The following PCDHGC4 variants were observed in gnomAD, a reference collection of about 807,000 sequenced individuals.
PCDHGC4 encodes protocadherin gamma subfamily C, 4.
PCDHGC4 carries 15 observed loss-of-function variants against 59.7 expected under a neutral mutation model. The observed-to-expected ratio is 0.25, with a 90% CI of 0.17 to 0.39. The LOEUF is 0.39. Among genes scored for constraint, PCDHGC4 ranks in the 10% least tolerant of loss-of-function variants. The probability of loss-of-function intolerance (pLI) is 1.00; values close to 1 mark genes in which losing one functional copy is unlikely to be tolerated. For missense variants in PCDHGC4, 1,016 were observed against 1,189.5 expected (o/e 0.85, Z 2.15); for synonymous variants, 434 against 481.4 (o/e 0.90, Z 1.29).
At chr5:141,488,042 G>T (rs2099670966) in intron 1 of PCDHGC4, among the ~76,000 whole-genome samples, 1 of 152,168 alleles carries the variant, frequency 6.6e-6, no homozygotes, top group Non-Finnish European at 1.5e-5. Context: ...TTTCCCAAGG[G>T]ATTGAGGGGA....
At chr5:141,497,020 C>T (rs138768677) in intron 2 of PCDHGC4, among the ~76,000 whole-genome samples, 8 of 152,122 alleles carry the variant, frequency 5.3e-5, no homozygotes, top group African/African-American at 1.7e-4. Flanking sequence ...GAAACCCCAT[C>T]TCGATTAAAA....
intron 3 of PCDHGC4, among the ~76,000 whole-genome samples, 188 bp from the exon 4 acceptor site, chr5:141,510,759 G>A (rs1026623444): frequency 6.6e-5 from 10 of 152,172 alleles, no homozygotes; most frequent in African/African-American, 2.4e-4. Context: ...TCTCACTCCA[G>A]AGCCTCTTAA....
At position 141,491,566 on chromosome 5, in the gene PCDHGC4, A is replaced by G; in HGVS notation, c.2443-3241A>G. Reference sequence around the variant, plus strand: ...AGACTCGCAGAGCCACTGCTACAGGACGTGCTTTTCACCGGCCTCGGACGG... The same window carrying G: ...AGACTCGCAGAGCCACTGCTACAGGGCGTGCTTTTCACCGGCCTCGGACGG... On this transcript the variant is annotated intron_variant, in intron 1 of 3. Transcript: ENST00000306593. This position sits in a 1 kb window ranked among gnomAD's most constrained non-coding sequence, Gnocchi z 6.9. 1 of 1,613,950 alleles carries G rather than the reference A, an allele frequency of 6.2e-7. No individual in the cohort carries two copies.
rs771884610 is a variant in PCDHGC4, at chr5:141,491,436, G to T, written c.2443-3371G>T. 1 of 1,614,070 alleles carries T rather than the reference G, an allele frequency of 6.2e-7. No individual in the cohort carries two copies. ...ACGGGGGTGGAGGGCAGTGCTGCAGGCGCCAGGACTCACCCTCCCCGGACT... is the reference window on the plus strand; with the variant it reads ...ACGGGGGTGGAGGGCAGTGCTGCAGTCGCCAGGACTCACCCTCCCCGGACT... On this transcript the variant is annotated intron_variant, in intron 1 of 3. Coordinates refer to ENST00000306593, the MANE Select transcript of PCDHGC4 (RefSeq NM_018928.3). The surrounding 1 kb of genome is among the most constrained non-coding windows in gnomAD (Gnocchi z 6.9).
rs780685517 is a variant in PCDHGC4 at position 141,489,548 on chromosome 5, T to C, written c.2442+1933T>C. 6.2e-7 allele frequency: 1 copy of C among 1,614,136 alleles called. No individual in the cohort carries two copies. Among genetic ancestry groups the C allele is most frequent in the South Asian group, 1.1e-5 (1 of 91,086 alleles). On this transcript the variant is annotated intron_variant, in intron 1 of 3. Coordinates refer to ENST00000306593, the MANE Select transcript of PCDHGC4 (RefSeq NM_018928.3). This position sits in a 1 kb window ranked among gnomAD's most constrained non-coding sequence, Gnocchi z 4.5. ...CTATGTGGAGCCAGCACCAGCTGCCTGCTGCCAGTGCAGGTGGTGACTGAA... is the reference window on the plus strand; with the variant it reads ...CTATGTGGAGCCAGCACCAGCTGCCCGCTGCCAGTGCAGGTGGTGACTGAA...
intron 1 of PCDHGC4, 146 bp from the exon 2 acceptor site, chr5:141,494,661 G>C (rs2099755951): frequency 6.7e-7 from 1 of 1,492,856 alleles, no homozygotes; most frequent in African/African-American, 1.4e-5. Context: ...TTTGTCTTTG[G>C]AGATGAGTCC....
At chr5:141,502,030 C>T (rs1031787021) in intron 2 of PCDHGC4, among the ~76,000 whole-genome samples, 4 of 152,180 alleles carry the variant, frequency 2.6e-5, no homozygotes, top group Non-Finnish European at 4.4e-5. Flanking sequence ...CAACCCCCGC[C>T]GCTTGCCTGC....
chr5:141,492,386 G>C (rs1343104703), intron 1 of PCDHGC4, among the ~76,000 whole-genome samples: 1 of 152,202 alleles, frequency 6.6e-6, no homozygotes, highest in African/African-American at 2.4e-5. Context: ...GCCTGTTCCG[G>C]TCCACTCGCA....
chr5:141,487,032 C>T lies in PCDHGC4; in HGVS notation c.1859C>T (p.Ala620Val). 6.2e-7 allele frequency: 1 copy of T among 1,614,210 alleles called. No individual in the cohort carries two copies. The highest frequency in any genetic ancestry group is 1.1e-5 in the South Asian group (1 of 91,084). ...GAGGCCCCAGATCCCAGCCTGTTTG[C>T]AGTCTCTCGATATGCTGGGGAGGTG... ...LLEAPDPSLF[A>V]VSRYAGEVRT... Residue 620 changes from alanine (A) to valine (V), a missense_variant, in exon 1 of 4, where the codon GCA becomes GTA. Physicochemically the swap from Ala to Val is moderately conservative, Grantham distance 64. Coordinates refer to ENST00000306593, the MANE Select transcript of PCDHGC4 (RefSeq NM_018928.3). The surrounding 1 kb of genome is among the most constrained non-coding windows in gnomAD (Gnocchi z 5.0).
intron 2 of PCDHGC4, 54 bp from the exon 3 acceptor site, chr5:141,505,339 G>A: frequency 1.2e-6 from 2 of 1,612,236 alleles, no homozygotes; most frequent in Middle Eastern, 3.4e-4. Flanking sequence ...GACAGGAGGG[G>A]CATGAGCTGT....
chr5:141,487,377 C>T lies in PCDHGC4; in HGVS notation c.2204C>T (p.Thr735Ile), dbSNP rs758216933. Reference sequence around the variant, plus strand: ...CCTGCTGGCACCTGTGCCTGTCTCACCAGATCTCGAAGGAGGGAGGGGCTT... The same window carrying T: ...CCTGCTGGCACCTGTGCCTGTCTCATCAGATCTCGAAGGAGGGAGGGGCTT... ...CFPAGTCACL[T>I]RSRRREGLPP... Residue 735 changes from threonine (T) to isoleucine (I), a missense_variant, in exon 1 of 4, where the codon ACC (threonine) becomes ATC (isoleucine). Thr to Ile is a moderately conservative substitution (Grantham distance 89, BLOSUM62 -1). Transcript: ENST00000306593. The surrounding 1 kb of genome is among the most constrained non-coding windows in gnomAD (Gnocchi z 5.0). 6.2e-7 allele frequency: 1 copy of T among 1,614,190 alleles called. No homozygotes were observed. Among genetic ancestry groups the T allele is most frequent in the Non-Finnish European group, 8.5e-7 (1 of 1,180,034 alleles).
At chr5:141,504,634 AG>A (rs2099839600) in intron 2 of PCDHGC4, among the ~76,000 whole-genome samples, 1 of 115,756 alleles carries the variant, frequency 8.6e-6, no homozygotes, top group Non-Finnish European at 1.7e-5. Context: ...ACCTTGGAAA[AG>A]GTTTGATGAT....
chr5:141,510,621 A>G (rs1317150967), intron 3 of PCDHGC4, among the ~76,000 whole-genome samples: 1 of 152,176 alleles, frequency 6.6e-6, no homozygotes, highest in Non-Finnish European at 1.5e-5. Flanking sequence ...CACTAAAACC[A>G]GAAGAGGTGG....
In PCDHGC4 at chr5:141,486,421, G is replaced by C; in HGVS notation, c.1248G>C (p.Glu416Asp). 1 of 1,614,152 alleles carries C rather than the reference G, an allele frequency of 6.2e-7. No individual in the cohort carries two copies. Among genetic ancestry groups the C allele is most frequent in the African/African-American group, 1.3e-5 (1 of 75,028 alleles). Residue 416 changes from glutamate (E) to aspartate (D), a missense_variant, in exon 1 of 4, where the codon GAG becomes GAC. Coordinates refer to ENST00000306593, the MANE Select transcript of PCDHGC4 (RefSeq NM_018928.3). This position sits in a 1 kb window ranked among gnomAD's most constrained non-coding sequence, Gnocchi z 5.0. ...SLVTAGPLDR[E>D]AKSSYDIMVT... Reference sequence around the variant, plus strand: ...TGACTGCTGGACCCTTGGATCGAGAGGCCAAATCTAGCTATGACATCATGG... The same window carrying C: ...TGACTGCTGGACCCTTGGATCGAGACGCCAAATCTAGCTATGACATCATGG...
At position 141,490,376 on chromosome 5, in the gene PCDHGC4, CA is replaced by C; in HGVS notation, c.2442+2762del. 1 of 1,614,184 alleles carries C rather than the reference CA, an allele frequency of 6.2e-7. No individual in the cohort carries two copies. Among genetic ancestry groups the C allele is most frequent in the African/African-American group, 1.3e-5 (1 of 75,030 alleles). On this transcript the variant is annotated intron_variant, in intron 1 of 3. Coordinates refer to ENST00000306593, the MANE Select transcript of PCDHGC4 (RefSeq NM_018928.3). This position sits in a 1 kb window ranked among gnomAD's most constrained non-coding sequence, Gnocchi z 5.4. ...TTGTTTAATGTGCGAGACCGGGACTCAGGTAGAAATGGTGAAGTGAGCCTTG... is the reference window on the plus strand; with the variant it reads ...TTGTTTAATGTGCGAGACCGGGACTCGGTAGAAATGGTGAAGTGAGCCTTG...
rs1404533394 is a variant in PCDHGC4, at chr5:141,491,708, G to T, written c.2443-3099G>T. ...CTGCGGGAGCGGAGCCAGGTGAGGG[G>T]CTCGGCGCCGCCCCGGGCGACCCCT... On this transcript the variant is annotated intron_variant, in intron 1 of 3. Transcript: ENST00000306593. The surrounding 1 kb of genome is among the most constrained non-coding windows in gnomAD (Gnocchi z 6.9). 1 of 1,610,132 alleles carries T rather than the reference G, an allele frequency of 6.2e-7. No individual in the cohort carries two copies. Among genetic ancestry groups the T allele is most frequent in the Admixed American group, 1.7e-5 (1 of 59,518 alleles).
Position 141,485,538 on chromosome 5 carries a change from A to T in PCDHGC4, c.365A>T (p.Glu122Val). ...TTGGAAATGTACCGAGCAGAGGTAG[A>T]GATCGTAGATGTGAATGATCACGCC... The part of the protein sequence containing the change: ...GPLEMYRAEV[E>V]IVDVNDHAPR... Residue 122 changes from glutamate (E) to valine (V), a missense_variant, in exon 1 of 4, where the codon GAG (glutamate) becomes GTG (valine). Transcript: ENST00000306593. The surrounding 1 kb of genome is among the most constrained non-coding windows in gnomAD (Gnocchi z 5.7). The T allele has an allele frequency of 6.2e-7, 1 of 1,614,162 alleles. No individual in the cohort carries two copies. Among genetic ancestry groups the T allele is most frequent in the Admixed American group, 1.7e-5 (1 of 60,012 alleles).
chr5:141,502,098 G>T (rs1341016516), intron 2 of PCDHGC4, among the ~76,000 whole-genome samples: 2 of 152,108 alleles, frequency 1.3e-5, no homozygotes, highest in Non-Finnish European at 2.9e-5. Flanking sequence ...ACCTGGCCTT[G>T]ACCCTGCACC....
At chr5:141,510,682 GA>G (rs1303501817) in intron 3 of PCDHGC4, among the ~76,000 whole-genome samples, 6 of 152,154 alleles carry the variant, frequency 3.9e-5, no homozygotes, top group Non-Finnish European at 8.8e-5. Flanking sequence ...GTGGCATAAG[GA>G]GGTTAGGTAG....
Sources: gnomAD v4.1 joint callset for allele counts (sites outside exome capture counted in the v4.1 genomes callset) on GRCh38, gnomAD v4.1.1 for gene constraint, Gnocchi (gnomAD v3.1) non-coding constraint, MANE v1.5 for transcripts, NCBI Gene and HGNC (gene_info 2026-07-23, HGNC 2026-07-21) for gene names.